KDM2A: variants seen among roughly 807,000 people sequenced by gnomAD.
KDM2A encodes the protein lysine-specific demethylase 2A.
A neutral mutation model predicts 137.3 loss-of-function variants in KDM2A; 3 were observed. The ratio of observed to expected loss-of-function variants is 0.02; its 90% confidence interval spans 0.01 to 0.06. KDM2A has a LOEUF of 0.06. Among genes scored for constraint, KDM2A ranks in the 10% least tolerant of loss-of-function variants. KDM2A has a pLI of 1.00. For synonymous variants in KDM2A, 512 were observed against 541.5 expected, an observed-to-expected ratio of 0.95 and a Z score of 0.76; for missense variants, 738 against 1,510.6, an observed-to-expected ratio of 0.49 and a Z score of 8.48.
rs919374650 is a variant in KDM2A at position 67,255,744 on chromosome 11, T to G, written c.*689T>G. On this transcript the variant is annotated 3_prime_UTR_variant, in exon 21 of 21. Transcript: ENST00000529006. ...TTGCTAGTCTCTATGAGGTCCTTATTGCACTTATTGGGGTTGAAGCTCTTC... is the reference window on the plus strand; with the variant it reads ...TTGCTAGTCTCTATGAGGTCCTTATGGCACTTATTGGGGTTGAAGCTCTTC... The G allele has an allele frequency of 1.1e-5, 4 of 362,314 alleles. No individual in the cohort carries two copies. Among genetic ancestry groups the G allele is most frequent in the Non-Finnish European group, 2.2e-5 (4 of 180,856 alleles). 22.4% of individuals were successfully genotyped at this position (362,314 alleles called of 1,614,324 possible).
chr11:67,200,011 G>A (rs1218215255), intron 5 of KDM2A, among the ~76,000 whole-genome samples: 1 of 152,132 alleles, frequency 6.6e-6, no homozygotes, highest in Non-Finnish European at 1.5e-5. Context: ...TAAGAATTAT[G>A]CTAAATCTAC....
intron 12 of KDM2A, among the ~76,000 whole-genome samples, chr11:67,239,117 G>T (rs1275416904): frequency 6.6e-6 from 1 of 152,208 alleles, no homozygotes; most frequent in Admixed American, 6.5e-5. Context: ...TCAAGAATGA[G>T]ACAGGCAAAC....
At chr11:67,196,242 G>T (rs545446987) in intron 5 of KDM2A, 71 of 456,192 alleles carry the variant, frequency 1.6e-4, no homozygotes, top group African/African-American at 1.4e-3. Flanking sequence ...AGCCTCAGAT[G>T]CAGGCTACCA....
chr11:67,237,446 TATTATTATTATC>T (rs1434462462), intron 12 of KDM2A, among the ~76,000 whole-genome samples: 1 of 149,990 alleles, frequency 6.7e-6, no homozygotes, highest in Admixed American at 7.1e-5. Context: ...TTTTCTTTAT[TATTATTATTATC>T]ATTATTATTA....
At chr11:67,141,191 A>C (rs1452298836) in intron 2 of KDM2A, among the ~76,000 whole-genome samples, 3 of 152,024 alleles carry the variant, frequency 2.0e-5, no homozygotes, top group Non-Finnish European at 4.4e-5. Context: ...TCTGTCCCTT[A>C]TTATTTAACC....
chr11:67,224,592 C>G (rs1387306912), intron 10 of KDM2A, among the ~76,000 whole-genome samples: 1 of 150,792 alleles, frequency 6.6e-6, no homozygotes, highest in African/African-American at 2.4e-5. Context: ...CTCAGCCTCC[C>G]GAGTAGCTGG....
Position 67,145,484 on chromosome 11 carries a change from T to G in KDM2A, c.42+24126T>G, listed in dbSNP as rs537306560. On this transcript the variant is annotated intron_variant, in intron 2 of 20. Transcript: ENST00000529006. ...CAGCCTTCCAGAGTGAGACTTCATT[T>G]TAAGAAAAAAAGATAAAAATTGATC... 9.2e-5 allele frequency among the ~76,000 whole-genome samples: 14 copies of G among 151,986 alleles called. No individual in the cohort carries two copies. In the East Asian group the frequency reaches 2.1e-3, roughly 23 times the overall value.
chr11:67,138,492 ATTCTTG>A (rs1049276937), intron 2 of KDM2A, among the ~76,000 whole-genome samples: 30 of 152,256 alleles, frequency 2.0e-4, no homozygotes, highest in African/African-American at 6.7e-4. Context: ...TAGAAAGGGA[ATTCTTG>A]GGCTGGGCAC....
chr11:67,240,292 A>G (rs1590818826), intron 12 of KDM2A: 3 of 1,535,656 alleles, frequency 2.0e-6, no homozygotes, highest in East Asian at 4.9e-5. Flanking sequence ...GAGAACTTCC[A>G]GTACAGAAAA....
intron 2 of KDM2A, among the ~76,000 whole-genome samples, chr11:67,139,525 G>A (rs931250857): frequency 2.6e-5 from 4 of 152,002 alleles, no homozygotes; most frequent in Admixed American, 1.3e-4. Flanking sequence ...GATTACAGGC[G>A]TGAGCCACTG....
chr11:67,228,101 T>C lies in KDM2A; in HGVS notation c.1022T>C (p.Val341Ala), dbSNP rs1188600465. The change falls in exon 11 of 21, where the codon GTG (valine) becomes GCG (alanine). Residue 341 changes from valine (V) to alanine (A), a missense_variant. By Grantham distance (64) the Val-to-Ala change is moderately conservative. Around this residue, in one of 9 missense-constraint regions of KDM2A, gnomAD observed 113 missense variants for 133.5 expected, o/e 0.85. Transcript: ENST00000529006. ...TGTTGGTATGTGTTGGAGCGCTATG[T>C]GTACTGCATAACCAACCGTTCCCAC... ...EMCWYVLERY[V>A]YCITNRSHLT... 2 of 1,613,014 alleles carry C rather than the reference T, an allele frequency of 1.2e-6. No homozygotes were observed. Among genetic ancestry groups the C allele is most frequent in the Non-Finnish European group, 1.7e-6 (2 of 1,179,000 alleles).
chr11:67,242,660 C>T (rs1222942893), intron 12 of KDM2A, among the ~76,000 whole-genome samples: 1 of 152,108 alleles, frequency 6.6e-6, no homozygotes, highest in Non-Finnish European at 1.5e-5. Context: ...GTCCTTTCTG[C>T]TCCCCCACCA....
At chr11:67,178,886 C>T (rs987362712) in intron 2 of KDM2A, among the ~76,000 whole-genome samples, 3 of 152,180 alleles carry the variant, frequency 2.0e-5, no homozygotes, top group South Asian at 4.1e-4. Flanking sequence ...AAAAGAAGAA[C>T]GTATGTTTTC....
chr11:67,254,435 G>A lies in KDM2A; in HGVS notation c.3307+17G>A. The A allele has an allele frequency of 1.2e-6, 2 of 1,609,552 alleles. No individual in the cohort carries two copies. The highest frequency in any genetic ancestry group is 1.3e-5 in the African/African-American group (1 of 74,974). On this transcript the variant is annotated intron_variant, in intron 20 of 20. Transcript: ENST00000529006. This position sits in a 1 kb window ranked among gnomAD's most constrained non-coding sequence, Gnocchi z 4.7. ...ATATGGCAGGTATGCCGCTACAGTT[G>A]TTCATAATCAGCGGTGCCCCCTGCC...
intron 12 of KDM2A, chr11:67,240,133 C>T: frequency 3.6e-6 from 5 of 1,407,946 alleles, no homozygotes; most frequent in Non-Finnish European, 2.8e-6. Flanking sequence ...CTGAAGGGCT[C>T]GAGAAGGAGC....
At chr11:67,139,246 T>G (rs968284141) in intron 2 of KDM2A, among the ~76,000 whole-genome samples, 1 of 150,790 alleles carries the variant, frequency 6.6e-6, no homozygotes, top group Non-Finnish European at 1.5e-5. Context: ...TTTTTTTCCT[T>G]TTTTCTTTTT....
Position 67,256,360 on chromosome 11 carries a change from A to AG in KDM2A, c.*1305_*1306insG, listed in dbSNP as rs1462055462. On this transcript the variant is annotated 3_prime_UTR_variant, in exon 21 of 21. Transcript: ENST00000529006. ...AGAGCTTTTTGCACTTTAAAAAAAA[A>AG]AAGAAAGAAAGAAAGGTCGGAATTT... 6.6e-6 allele frequency: 1 copy of AG among 152,070 alleles called. No homozygotes were observed. Among genetic ancestry groups the AG allele is most frequent in the African/African-American group, 2.4e-5 (1 of 41,100 alleles). The allele number at this position is 152,070 out of a possible 1,614,324, so 9.4% of individuals were successfully genotyped here. A position where few individuals can be genotyped will look rare whatever the true frequency, so the allele number is the denominator to read the frequency against.
At chr11:67,209,447 A>C (rs1034268572) in intron 6 of KDM2A, among the ~76,000 whole-genome samples, 1 of 150,178 alleles carries the variant, frequency 6.7e-6, no homozygotes, top group Non-Finnish European at 1.5e-5. Flanking sequence ...TATTATTATT[A>C]TTATTATTAT....
intron 2 of KDM2A, among the ~76,000 whole-genome samples, chr11:67,154,423 GTTTC>G (rs563643179): frequency 8.6e-4 from 131 of 152,048 alleles, no homozygotes; most frequent in East Asian, 2.9e-3. Context: ...TATTCTGGGT[GTTTC>G]TTTCTTTCTT....
Sources: gnomAD v4.1 joint callset for allele counts (sites outside exome capture counted in the v4.1 genomes callset) on GRCh38, gnomAD v4.1.1 for gene constraint, gnomAD v4.1.1 regional missense constraint, Gnocchi (gnomAD v3.1) non-coding constraint, MANE v1.5 for transcripts, NCBI Gene and HGNC (gene_info 2026-07-23, HGNC 2026-07-21) for gene names.